ZNF804A: variants seen among roughly 807,000 people sequenced by gnomAD.
The protein encoded by ZNF804A is zinc finger protein 804A.
ZNF804A carries 2 observed loss-of-function variants against 16.5 expected under a neutral mutation model. The ratio of observed to expected loss-of-function variants is 0.12; its 90% CI spans 0.05 to 0.38. The LOEUF is 0.38. Among genes scored for constraint, ZNF804A ranks in the 10% least tolerant of loss-of-function variants. The probability of loss-of-function intolerance (pLI) is 0.99; values close to 1 mark genes in which losing one functional copy is unlikely to be tolerated. For missense variants in ZNF804A, 1,473 were observed against 1,390.7 expected, an observed-to-expected ratio of 1.06 and a Z score of -0.94; for synonymous variants, 534 against 489.6, an observed-to-expected ratio of 1.09 and a Z score of -1.20.
At chr2:184,690,031 T>C (rs1338252563) in intron 1 of ZNF804A, among the ~76,000 whole-genome samples, 1 of 151,854 alleles carries the variant, frequency 6.6e-6, no homozygotes, top group African/African-American at 2.4e-5. Flanking sequence ...AAAACATCTC[T>C]CAAAAACCAT....
At chr2:184,745,654 A>G (rs923299583) in intron 1 of ZNF804A, among the ~76,000 whole-genome samples, 1 of 151,580 alleles carries the variant, frequency 6.6e-6, no homozygotes, top group African/African-American at 2.4e-5. Context: ...TTTCTTCTCT[A>G]GGCATTAACA....
At chr2:184,603,298 G>T (rs1691079845) in intron 1 of ZNF804A, among the ~76,000 whole-genome samples, 1 of 151,992 alleles carries the variant, frequency 6.6e-6, no homozygotes, top group Admixed American at 6.5e-5. Flanking sequence ...TTTTGAATCT[G>T]TTAAAAAATA....
intron 2 of ZNF804A, among the ~76,000 whole-genome samples, chr2:184,896,310 A>T (rs1016934274): frequency 1.3e-5 from 2 of 152,108 alleles, no homozygotes; most frequent in African/African-American, 4.8e-5. Context: ...AATATGTGTG[A>T]TTGGTATCAT....
chr2:184,871,954 A>T (rs1009719481), intron 2 of ZNF804A, among the ~76,000 whole-genome samples: 5 of 152,084 alleles, frequency 3.3e-5, no homozygotes, highest in African/African-American at 1.2e-4. Flanking sequence ...AGCAATCTAG[A>T]ATTTGAACAC....
chr2:184,638,749 G>A (rs61450921), intron 1 of ZNF804A, among the ~76,000 whole-genome samples: 4,754 of 152,088 alleles, frequency 0.031, 249 homozygotes, highest in African/African-American at 0.11. Flanking sequence ...TGAGAAAAAA[G>A]AATGCATGTT....
intron 1 of ZNF804A, among the ~76,000 whole-genome samples, chr2:184,791,258 G>T (rs994615889): frequency 1.3e-5 from 2 of 152,082 alleles, no homozygotes; most frequent in African/African-American, 2.4e-5. Flanking sequence ...TTGCTTTATA[G>T]GACCTGTGAG....
intron 1 of ZNF804A, among the ~76,000 whole-genome samples, chr2:184,758,796 G>A (rs895600379): frequency 4.0e-5 from 6 of 151,772 alleles, no homozygotes; most frequent in Non-Finnish European, 7.4e-5. Flanking sequence ...GTATATTATT[G>A]GGTGTATTTA....
At chr2:184,785,603 T>C (rs1041886358) in intron 1 of ZNF804A, among the ~76,000 whole-genome samples, 4 of 151,948 alleles carry the variant, frequency 2.6e-5, no homozygotes, top group African/African-American at 9.7e-5. Flanking sequence ...CCAGAAACTA[T>C]GAAAATCCAA....
intron 2 of ZNF804A, among the ~76,000 whole-genome samples, chr2:184,933,142 C>T (rs924159309): frequency 1.2e-4 from 13 of 106,358 alleles, no homozygotes; most frequent in South Asian, 3.0e-4. Flanking sequence ...CACACACACA[C>T]GCACACACAC....
intron 1 of ZNF804A, among the ~76,000 whole-genome samples, chr2:184,656,979 T>C (rs1692087974): frequency 6.6e-6 from 1 of 152,192 alleles, no homozygotes. Flanking sequence ...CAATTAGGTC[T>C]CTGTTTTCAA....
At chr2:184,752,075 T>A (rs2105758850) in intron 1 of ZNF804A, among the ~76,000 whole-genome samples, 1 of 151,774 alleles carries the variant, frequency 6.6e-6, no homozygotes, top group African/African-American at 2.4e-5. Flanking sequence ...GTACGGAGAT[T>A]TCTCAAAGAA....
intron 2 of ZNF804A, among the ~76,000 whole-genome samples, chr2:184,920,256 G>T (rs563293579): frequency 1.1e-4 from 17 of 152,124 alleles, no homozygotes; most frequent in Non-Finnish European, 2.4e-4. Context: ...CCAGTGTTGT[G>T]GTTCAGAGAA....
chr2:184,859,282 C>A (rs1223753787), intron 1 of ZNF804A, among the ~76,000 whole-genome samples: 2 of 151,596 alleles, frequency 1.3e-5, no homozygotes, highest in Admixed American at 6.6e-5. Flanking sequence ...CCATAAGGAT[C>A]TTTTATTCTT....
chr2:184,655,163 T>C (rs908232384), intron 1 of ZNF804A, among the ~76,000 whole-genome samples: 6 of 152,098 alleles, frequency 3.9e-5, no homozygotes, highest in African/African-American at 1.4e-4. Flanking sequence ...CTGCCCAGAT[T>C]GTTTGCATTC....
chr2:184,683,857 G>C (rs1259735252), intron 1 of ZNF804A, among the ~76,000 whole-genome samples: 1 of 152,070 alleles, frequency 6.6e-6, no homozygotes, highest in African/African-American at 2.4e-5. Flanking sequence ...CTTATCATAT[G>C]TTCTATTTAA....
chr2:184,759,927 G>T (rs979070172), intron 1 of ZNF804A, among the ~76,000 whole-genome samples: 1 of 151,908 alleles, frequency 6.6e-6, no homozygotes, highest in Non-Finnish European at 1.5e-5. Flanking sequence ...CTCTCTTTTC[G>T]GACTCAGCCC....
At chr2:184,915,202 A>G (rs1385790259) in intron 2 of ZNF804A, among the ~76,000 whole-genome samples, 1 of 152,088 alleles carries the variant, frequency 6.6e-6, no homozygotes, top group Non-Finnish European at 1.5e-5. Context: ...AACATCTTGT[A>G]TATTTTCTGG....
At chr2:184,734,767 A>C (rs1224940189) in intron 1 of ZNF804A, among the ~76,000 whole-genome samples, 1 of 152,194 alleles carries the variant, frequency 6.6e-6, no homozygotes, top group African/African-American at 2.4e-5. Flanking sequence ...ATGATGCTGA[A>C]GTTTTAAACT....
At chr2:184,743,016 A>C (rs1276667566) in intron 1 of ZNF804A, among the ~76,000 whole-genome samples, 1 of 151,900 alleles carries the variant, frequency 6.6e-6, no homozygotes, top group East Asian at 1.9e-4. Context: ...AGACAGTGAA[A>C]ATTTCTGGTA....
Sources: allele counts gnomAD v4.1 joint callset (sites outside exome capture counted in the v4.1 genomes callset), GRCh38; gene constraint gnomAD v4.1.1; transcripts MANE v1.5; gene names NCBI Gene and HGNC (gene_info 2026-07-23, HGNC 2026-07-21).